Variants in COL26A1 observed in about 807,000 individuals in gnomAD.
The protein encoded by COL26A1 is collagen type XXVI alpha 1 chain.
In COL26A1, 41 loss-of-function variants were observed where a neutral mutation model predicts 59.3. That is an observed-to-expected ratio of 0.69 (90% CI 0.54 to 0.90). COL26A1 has a LOEUF of 0.90. Among genes scored for constraint, COL26A1 ranks in the 40% least tolerant of loss-of-function variants. The pLI is 0.00. For missense variants in COL26A1, 612 were observed against 602.3 expected (o/e 1.02, Z -0.17); for synonymous variants, 266 against 256.0 (o/e 1.04, Z -0.37).
intron 1 of COL26A1, among the ~76,000 whole-genome samples, chr7:101,402,615 CTT>C (rs1265858565): frequency 7.3e-6 from 1 of 136,420 alleles, no homozygotes; most frequent in Non-Finnish European, 1.6e-5. Flanking sequence ...CCTTTCTTCT[CTT>C]TCTCTTTCTT....
At chr7:101,539,839 G>A in intron 4 of COL26A1, 54 bp from the exon 5 acceptor site, 1 of 1,559,938 alleles carries the variant, frequency 6.4e-7, no homozygotes, top group Non-Finnish European at 8.7e-7. Context: ...TGTCACGCAT[G>A]TCCCTATGTG....
At chr7:101,505,590 G>A (rs560786519) in intron 3 of COL26A1, among the ~76,000 whole-genome samples, 17 of 152,314 alleles carry the variant, frequency 1.1e-4, no homozygotes, top group African/African-American at 4.1e-4. Flanking sequence ...TCCGATGTTC[G>A]AGGGCAGGAA....
At chr7:101,486,332 A>G (rs918877993) in intron 3 of COL26A1, among the ~76,000 whole-genome samples, 1 of 151,966 alleles carries the variant, frequency 6.6e-6, no homozygotes, top group Admixed American at 6.6e-5. Context: ...GTCCCCCCCA[A>G]CCCCACAGCC....
At chr7:101,508,517 C>CAAA (rs58872805) in intron 3 of COL26A1, among the ~76,000 whole-genome samples, 3 of 127,630 alleles carry the variant, frequency 2.4e-5, no homozygotes, top group African/African-American at 3.2e-5. Context: ...AAAACCCTGT[C>CAAA]AAAAAAAAAA....
At chr7:101,486,684 G>C (rs999569922) in intron 3 of COL26A1, among the ~76,000 whole-genome samples, 1 of 152,236 alleles carries the variant, frequency 6.6e-6, no homozygotes, top group Non-Finnish European at 1.5e-5. Context: ...ATGCCAACAC[G>C]CCTTTTATTA....
intron 3 of COL26A1, among the ~76,000 whole-genome samples, chr7:101,527,968 C>G (rs1276807196): frequency 6.6e-6 from 1 of 152,176 alleles, no homozygotes; most frequent in East Asian, 1.9e-4. Context: ...AGTGAATAAT[C>G]AAAGAAAGTT....
intron 3 of COL26A1, among the ~76,000 whole-genome samples, chr7:101,528,790 C>T (rs1795305666): frequency 6.6e-6 from 1 of 152,166 alleles, no homozygotes; most frequent in South Asian, 2.1e-4. Context: ...CTCAAGCGAT[C>T]CACCCACCTC....
chr7:101,473,548 G>A (rs1859641), intron 3 of COL26A1, among the ~76,000 whole-genome samples: 1 of 151,346 alleles, frequency 6.6e-6, no homozygotes, highest in Non-Finnish European at 1.5e-5. Flanking sequence ...GCTGAGGCAG[G>A]AGAATTGCTT....
chr7:101,469,294 G>A (rs1793837353), intron 3 of COL26A1, among the ~76,000 whole-genome samples: 2 of 151,800 alleles, frequency 1.3e-5, no homozygotes, highest in Admixed American at 6.6e-5. Flanking sequence ...GACTGCTGTG[G>A]TTTTTTTTCT....
At chr7:101,535,592 G>A (rs2130645252) in intron 4 of COL26A1, among the ~76,000 whole-genome samples, 1 of 152,318 alleles carries the variant, frequency 6.6e-6, no homozygotes, top group South Asian at 2.1e-4. Flanking sequence ...CAGGCCCGGG[G>A]CAGAGCTTTG....
At chr7:101,377,408 A>G (rs954383090) in intron 1 of COL26A1, among the ~76,000 whole-genome samples, 2 of 151,976 alleles carry the variant, frequency 1.3e-5, no homozygotes, top group African/African-American at 4.8e-5. Flanking sequence ...GCCTTGTCTC[A>G]TGCAGCCAGC....
At chr7:101,395,783 C>T (rs550907312) in intron 1 of COL26A1, among the ~76,000 whole-genome samples, 2 of 152,290 alleles carry the variant, frequency 1.3e-5, no homozygotes, top group East Asian at 3.9e-4. Context: ...TGCCTTTAAT[C>T]ACCGCTGAAA....
At chr7:101,502,581 G>A (rs1303610501) in intron 3 of COL26A1, among the ~76,000 whole-genome samples, 1 of 152,222 alleles carries the variant, frequency 6.6e-6, no homozygotes, top group Admixed American at 6.5e-5. Context: ...AGGTGCTGTG[G>A]AGAACACAGG....
At chr7:101,473,607 T>TA (rs1562998822) in intron 3 of COL26A1, among the ~76,000 whole-genome samples, 12 of 120,078 alleles carry the variant, frequency 1.0e-4, no homozygotes, top group South Asian at 5.7e-4. Context: ...ACACCTTGTC[T>TA]CCACACACAC....
At chr7:101,509,172 T>C (rs913384052) in intron 3 of COL26A1, among the ~76,000 whole-genome samples, 7 of 152,016 alleles carry the variant, frequency 4.6e-5, no homozygotes, top group African/African-American at 1.7e-4. Flanking sequence ...AGGCTGGGCA[T>C]GGTGGTTCGT....
chr7:101,550,001 CA>C (rs949014360), intron 9 of COL26A1, among the ~76,000 whole-genome samples: 1 of 152,172 alleles, frequency 6.6e-6, no homozygotes, highest in African/African-American at 2.4e-5. Context: ...GGCCCTGAGG[CA>C]GGGAAAAGGC....
chr7:101,397,837 C>G (rs1347517036), intron 1 of COL26A1, among the ~76,000 whole-genome samples: 1 of 152,150 alleles, frequency 6.6e-6, no homozygotes, highest in Non-Finnish European at 1.5e-5. Context: ...CATGCCTGGT[C>G]TAAAGTGTAT....
In COL26A1 at chr7:101,547,223, T is replaced by A; in HGVS notation, c.924T>A (p.Gly308=). Residue 308 remains glycine (G), a synonymous_variant, in exon 8 of 13, where the codon GGT becomes GGA. Coordinates refer to ENST00000313669, the MANE Select transcript of COL26A1 (RefSeq NM_001278563.3). The stretch of plus-strand genomic sequence containing the variant: ...TGGCAGGTGTCCCAGGACCCCGGGG[T>A]CCCCCTGGTCCACCAGGTAAGTGAA... ...TVLAGVPGPR[G]PPGPPGPPGP... The A allele has an allele frequency of 6.3e-7, 1 of 1,578,252 alleles. No individual in the cohort carries two copies. The highest frequency in any genetic ancestry group is 8.6e-7 in the Non-Finnish European group (1 of 1,163,906).
chr7:101,556,863 G>A (rs1033245170), intron 12 of COL26A1, among the ~76,000 whole-genome samples: 1 of 151,548 alleles, frequency 6.6e-6, no homozygotes, highest in Admixed American at 6.6e-5. Context: ...GTGAATGAAT[G>A]GATAGATGCA....
Sources: gnomAD v4.1 joint callset for allele counts (sites outside exome capture counted in the v4.1 genomes callset) on GRCh38, gnomAD v4.1.1 for gene constraint, MANE v1.5 for transcripts, NCBI Gene and HGNC (gene_info 2026-07-23, HGNC 2026-07-21) for gene names.